FAM3C: variants seen among roughly 807,000 people sequenced by gnomAD.
The protein encoded by FAM3C is FAM3 metabolism regulating signaling molecule C.
Under a neutral mutation model 32.5 loss-of-function variants are expected in FAM3C, and 15 were observed. The ratio of observed to expected loss-of-function variants is 0.46; its 90% CI spans 0.31 to 0.71. The LOEUF (loss-of-function observed/expected upper bound fraction) is 0.71. Among genes scored for constraint, FAM3C ranks in the 30% least tolerant of loss-of-function variants. The probability of loss-of-function intolerance (pLI) is 0.05; values close to 1 mark genes in which losing one functional copy is unlikely to be tolerated. For missense variants in FAM3C, 175 were observed against 274.4 expected (o/e 0.64, Z 2.56); for synonymous variants, 75 against 86.1 (o/e 0.87, Z 0.72).
chr7:121,377,301 T>C (rs1337532024), intron 3 of FAM3C, among the ~76,000 whole-genome samples: 1 of 152,170 alleles, frequency 6.6e-6, no homozygotes, highest in African/African-American at 2.4e-5. Context: ...TTTTATAAAT[T>C]ACCCAGTCTG....
chr7:121,360,847 A>G (rs1226451571), intron 7 of FAM3C, among the ~76,000 whole-genome samples: 1 of 152,118 alleles, frequency 6.6e-6, no homozygotes, highest in Non-Finnish European at 1.5e-5. Context: ...AAACAAAACA[A>G]AAAAACAAAA....
chr7:121,365,199 A>G (rs947964279), intron 5 of FAM3C, among the ~76,000 whole-genome samples: 1 of 152,150 alleles, frequency 6.6e-6, no homozygotes. Flanking sequence ...TTTTCAAACA[A>G]TTCACATCTG....
At chr7:121,389,141 T>C (rs1794527266) in intron 1 of FAM3C, among the ~76,000 whole-genome samples, 1 of 152,124 alleles carries the variant, frequency 6.6e-6, no homozygotes, top group Non-Finnish European at 1.5e-5. Context: ...CCCAAAGACT[T>C]AGTGTAGGGA....
chr7:121,368,490 G>A (rs1794069616), intron 5 of FAM3C, among the ~76,000 whole-genome samples: 1 of 152,138 alleles, frequency 6.6e-6, no homozygotes, highest in Non-Finnish European at 1.5e-5. Context: ...TACCAACAGG[G>A]AGGCAGTATG....
At chr7:121,369,837 A>C (rs1395916063) in intron 5 of FAM3C, among the ~76,000 whole-genome samples, 2 of 152,214 alleles carry the variant, frequency 1.3e-5, no homozygotes, top group Non-Finnish European at 2.9e-5. Flanking sequence ...GAAGATCTGG[A>C]GAGAAGTGAA....
intron 1 of FAM3C, among the ~76,000 whole-genome samples, chr7:121,395,102 T>G (rs903803025): frequency 2.0e-5 from 3 of 152,140 alleles, no homozygotes; most frequent in African/African-American, 7.2e-5. Flanking sequence ...ACGAAACCAT[T>G]TGGCAGTGCC....
At chr7:121,351,359 C>T (rs573035986) in intron 8 of FAM3C, 90 bp from the exon 9 acceptor site, 1 of 1,157,706 alleles carries the variant, frequency 8.6e-7, no homozygotes, top group Non-Finnish European at 1.2e-6. Context: ...AAACATGAGA[C>T]AAAATGAGAC....
rs1793887700 is a variant in FAM3C, at chr7:121,360,023, G to C, written c.467+20C>G. 4.9e-6 allele frequency: 6 copies of C among 1,227,920 alleles called. No individual in the cohort carries two copies. The highest frequency in any genetic ancestry group is 1.8e-5 in the Admixed American group (1 of 56,110). 76.1% of individuals were successfully genotyped at this position (1,227,920 alleles called of 1,614,324 possible). ...TAATTACAAATTATAGTTCCAAAAA[G>C]TTCTGTAAAGTTTACATACTTGGTT... On this transcript the variant is annotated intron_variant, in intron 8 of 9. Transcript: ENST00000359943.
intron 2 of FAM3C, among the ~76,000 whole-genome samples, chr7:121,379,537 G>A (rs1364441424): frequency 1.3e-5 from 2 of 152,032 alleles, no homozygotes; most frequent in Non-Finnish European, 2.9e-5. Flanking sequence ...CTGGTGTGGC[G>A]ATCAACAAAG....
At position 121,350,536 on chromosome 7, in the gene FAM3C, A is replaced by T. The variant is rs1220340467; in HGVS notation, c.609T>A (p.Asn203Lys). Residue 203 changes from asparagine to lysine, a missense_variant, in exon 10 of 10, where the codon AAT (asparagine) becomes AAA (lysine). Transcript: ENST00000359943. Reference protein sequence around the residue: ...KSPFEQHIKNNKDTNKYEGWP... With the variant: ...KSPFEQHIKNKKDTNKYEGWP... ...ATCCTTCATATTTGTTTGTATCCTT[A>T]TTGTTCTTTATGTGCTATTGGAACA... The T allele has an allele frequency of 1.2e-6, 2 of 1,612,838 alleles. No homozygotes were observed. The highest frequency in any genetic ancestry group is 8.5e-7 in the Non-Finnish European group (1 of 1,179,302).
At chr7:121,371,054 A>T (rs1440634979) in intron 5 of FAM3C, among the ~76,000 whole-genome samples, 2 of 152,220 alleles carry the variant, frequency 1.3e-5, no homozygotes, top group Non-Finnish European at 2.9e-5. Context: ...TAGAGAATTT[A>T]CTCAGAGGAA....
chr7:121,358,577 T>A (rs974276880), intron 8 of FAM3C, among the ~76,000 whole-genome samples: 1 of 148,550 alleles, frequency 6.7e-6, no homozygotes, highest in African/African-American at 2.4e-5. Flanking sequence ...GATAAACAGG[T>A]CAAGTGAATG....
chr7:121,377,368 G>A (rs1562890172), intron 3 of FAM3C, among the ~76,000 whole-genome samples: 1 of 151,948 alleles, frequency 6.6e-6, no homozygotes, highest in South Asian at 2.1e-4. Flanking sequence ...TAAGCCTTGG[G>A]GATTTTTCCT....
chr7:121,372,161 T>G (rs781163015), intron 3 of FAM3C, 22 bp from the exon 4 acceptor site: 6 of 1,583,480 alleles, frequency 3.8e-6, no homozygotes, highest in Admixed American at 1.7e-5. Flanking sequence ...AAATTACTTT[T>G]GTTAGAAGGA....
chr7:121,381,041 G>A (rs1429667919), intron 2 of FAM3C, among the ~76,000 whole-genome samples: 1 of 152,080 alleles, frequency 6.6e-6, no homozygotes, highest in African/African-American at 2.4e-5. Flanking sequence ...AGTCTCCATG[G>A]GGTTAGAGTT....
chr7:121,376,813 C>A (rs1328475848), intron 3 of FAM3C, among the ~76,000 whole-genome samples: 1 of 152,128 alleles, frequency 6.6e-6, no homozygotes, highest in Middle Eastern at 3.2e-3. Context: ...AGTATGCAGT[C>A]CATGGACAGG....
chr7:121,363,949 C>A (rs114761137), intron 6 of FAM3C, among the ~76,000 whole-genome samples, 181 bp downstream of exon 6: 162 of 152,212 alleles, frequency 1.1e-3, no homozygotes, highest in African/African-American at 3.8e-3. Context: ...TTTCAAGAAA[C>A]ACGCTATAAA....
chr7:121,393,022 G>C (rs1376570351), intron 1 of FAM3C, among the ~76,000 whole-genome samples: 1 of 152,162 alleles, frequency 6.6e-6, no homozygotes, highest in Non-Finnish European at 1.5e-5. Flanking sequence ...GCAGAAAGCA[G>C]ATCAGTGGTT....
At chr7:121,380,170 C>T (rs573093119) in intron 2 of FAM3C, 1 of 152,236 alleles carries the variant, frequency 6.6e-6, no homozygotes, top group Non-Finnish European at 1.5e-5. Context: ...AAGACTAAGA[C>T]CAAGAGCTCA....
Sources: gnomAD v4.1 joint callset for allele counts (sites outside exome capture counted in the v4.1 genomes callset) on GRCh38, gnomAD v4.1.1 for gene constraint, MANE v1.5 for transcripts, NCBI Gene and HGNC (gene_info 2026-07-23, HGNC 2026-07-21) for gene names.